OCA2: variants seen among roughly 807,000 people sequenced by gnomAD.
OCA2 encodes the protein P protein.
In OCA2, 77 loss-of-function variants were observed where a neutral mutation model predicts 100.2. The ratio of observed to expected loss-of-function variants is 0.77; its 90% CI spans 0.64 to 0.93. The LOEUF (loss-of-function observed/expected upper bound fraction) is 0.93. OCA2 is among the 40% of genes least tolerant of loss of function. The probability of loss-of-function intolerance (pLI) is 0.00; values close to 1 mark genes in which losing one functional copy is unlikely to be tolerated. For missense variants in OCA2, 1,062 were observed against 1,089.1 expected (o/e 0.98, Z 0.35); for synonymous variants, 432 against 439.2 (o/e 0.98, Z 0.21).
chr15:27,875,665 C>A (rs561112128), intron 19 of OCA2, among the ~76,000 whole-genome samples: 3 of 151,904 alleles, frequency 2.0e-5, no homozygotes, highest in African/African-American at 4.8e-5. Context: ...TTCATTAGAT[C>A]TTTAGATCTT....
chr15:27,834,617 G>A (rs758904815), intron 23 of OCA2, among the ~76,000 whole-genome samples: 15 of 152,212 alleles, frequency 9.9e-5, no homozygotes, highest in Non-Finnish European at 2.1e-4. Context: ...CCCTTAGCCT[G>A]TGCTCTGACA....
intron 19 of OCA2, chr15:27,896,214 C>T: frequency 1.1e-6 from 1 of 940,086 alleles, no homozygotes; most frequent in Non-Finnish European, 1.7e-6. Context: ...GTCTATCCCT[C>T]ACAGTACCAA....
Position 27,851,731 on chromosome 15 carries a change from G to A in OCA2, c.2245-256C>T, listed in dbSNP as rs760469446. On this transcript the variant is annotated intron_variant, in intron 21 of 23. Transcript: ENST00000354638. ...CTGCCAGCTGTTGTGGCTCTTATAC[G>A]GGGTAAAGGCACACAGAGTCTAACA... Among the ~76,000 whole-genome samples, 8 of 152,168 alleles carry A rather than the reference G, an allele frequency of 5.3e-5. 1 individual carries two copies. The South Asian group carries it at 1.5e-3, about 28-fold the overall frequency.
At chr15:27,964,034 C>T (rs762449212) in intron 15 of OCA2, among the ~76,000 whole-genome samples, 16 of 152,144 alleles carry the variant, frequency 1.1e-4, no homozygotes, top group Non-Finnish European at 1.8e-4. Flanking sequence ...ACACCAACTA[C>T]CAGTCAACAC....
intron 23 of OCA2, among the ~76,000 whole-genome samples, chr15:27,838,749 C>T (rs1367396267): frequency 6.6e-6 from 1 of 152,174 alleles, no homozygotes; most frequent in Non-Finnish European, 1.5e-5. Flanking sequence ...CTTCATGAAA[C>T]CCAGAGAAGG....
At chr15:27,970,976 C>T (rs754343090) in intron 14 of OCA2, among the ~76,000 whole-genome samples, 4 of 150,970 alleles carry the variant, frequency 2.6e-5, no homozygotes, top group Admixed American at 1.3e-4. Flanking sequence ...CCAGCAAGCA[C>T]GGCATGGTGG....
chr15:27,786,226 C>T (rs1415170996), intron 23 of OCA2, among the ~76,000 whole-genome samples: 2 of 152,128 alleles, frequency 1.3e-5, no homozygotes, highest in Non-Finnish European at 2.9e-5. Context: ...AAGCCCTACA[C>T]CTTTGTTCTT....
chr15:27,854,721 G>A (rs1156357711), intron 21 of OCA2, among the ~76,000 whole-genome samples: 3 of 152,226 alleles, frequency 2.0e-5, no homozygotes, highest in East Asian at 3.9e-4. Flanking sequence ...ACAACAGCCA[G>A]TTATCAATGA....
At chr15:27,773,840 A>G (rs2032031450) in intron 23 of OCA2, among the ~76,000 whole-genome samples, 1 of 152,218 alleles carries the variant, frequency 6.6e-6, no homozygotes. Flanking sequence ...GATACCCAGG[A>G]GTTGGAAGTC....
intron 19 of OCA2, among the ~76,000 whole-genome samples, chr15:27,876,340 T>C (rs1295217742): frequency 6.6e-6 from 1 of 152,096 alleles, no homozygotes; most frequent in Non-Finnish European, 1.5e-5. Flanking sequence ...CTATTTTATA[T>C]ACCATAGCAT....
intron 18 of OCA2, among the ~76,000 whole-genome samples, chr15:27,948,559 A>G (rs2039921804): frequency 2.0e-5 from 3 of 152,060 alleles, no homozygotes; most frequent in African/African-American, 7.2e-5. Flanking sequence ...TCCACCTCCC[A>G]GGCTCAAGCA....
At chr15:27,926,334 T>TGGTGTGTGAGTCAGTAG in intron 18 of OCA2, 80 bp from the exon 19 acceptor site, 2 of 1,498,264 alleles carry the variant, frequency 1.3e-6, no homozygotes, top group Non-Finnish European at 1.9e-6. Flanking sequence ...TGGTTGCCTT[T>TGGTGTGTGAGTCAGTAG]TTCTTTATCA....
intron 19 of OCA2, among the ~76,000 whole-genome samples, chr15:27,883,420 T>C (rs1417614926): frequency 6.6e-6 from 1 of 152,004 alleles, no homozygotes; most frequent in African/African-American, 2.4e-5. Flanking sequence ...AATTCAACAT[T>C]CTCTCTCATT....
chr15:27,941,530 C>A (rs2039646189), intron 18 of OCA2, among the ~76,000 whole-genome samples: 1 of 139,312 alleles, frequency 7.2e-6, no homozygotes, highest in Non-Finnish European at 1.5e-5. Flanking sequence ...TGTGGGTACT[C>A]AATGGAGGAT....
At chr15:27,790,863 A>G (rs2151126999) in intron 23 of OCA2, among the ~76,000 whole-genome samples, 1 of 149,966 alleles carries the variant, frequency 6.7e-6, no homozygotes, top group East Asian at 2.0e-4. Flanking sequence ...ATCATAGCTC[A>G]CTGCAGCCTC....
intron 18 of OCA2, among the ~76,000 whole-genome samples, chr15:27,936,706 G>T (rs536208761): frequency 6.6e-6 from 1 of 152,228 alleles, no homozygotes; most frequent in African/African-American, 2.4e-5. Context: ...GAACCAGGAA[G>T]ATTGAGCTCC....
intron 23 of OCA2, among the ~76,000 whole-genome samples, chr15:27,822,953 G>A (rs2034560725): frequency 6.6e-6 from 1 of 152,066 alleles, no homozygotes; most frequent in South Asian, 2.1e-4. Flanking sequence ...ATCAAATGTT[G>A]TCCTATCGTG....
At chr15:27,976,127 T>C (rs902626873) in intron 14 of OCA2, among the ~76,000 whole-genome samples, 3 of 152,200 alleles carry the variant, frequency 2.0e-5, no homozygotes, top group African/African-American at 7.2e-5. Flanking sequence ...TCCTGCAACC[T>C]TGTCAAATTT....
At chr15:27,726,191 G>A in the OCA2 span, among the ~76,000 whole-genome samples, 5 of 151,994 alleles carry the variant, frequency 3.3e-5, no homozygotes, top group South Asian at 4.2e-4. Flanking sequence ...CCAGCTACTC[G>A]GGAGGCTGAG....
Sources: gnomAD v4.1 joint callset for allele counts (sites outside exome capture counted in the v4.1 genomes callset) on GRCh38, gnomAD v4.1.1 for gene constraint, MANE v1.5 for transcripts, NCBI Gene and HGNC (gene_info 2026-07-23, HGNC 2026-07-21) for gene names.